Variants in ACSL4 observed in about 807,000 individuals in gnomAD.
ACSL4 encodes the protein acyl-CoA synthetase long chain family member 4.
ACSL4 carries 9 observed loss-of-function variants against 49.1 expected under a neutral mutation model. That is an observed-to-expected ratio of 0.18 (90% CI 0.11 to 0.32). The LOEUF is 0.32. Among genes scored for constraint, ACSL4 ranks in the 10% least tolerant of loss-of-function variants. The pLI, the probability that ACSL4 is intolerant of heterozygous loss-of-function variation, is 1.00. For missense variants in ACSL4, 333 were observed against 493.7 expected (o/e 0.67, Z 3.08); for synonymous variants, 191 against 170.3 (o/e 1.12, Z -0.95).
chrX:109,668,936 C>A, intron 10 of ACSL4, 98 bp downstream of exon 10: 1 of 738,054 alleles, frequency 1.4e-6, no homozygotes, highest in Non-Finnish European at 2.0e-6. Flanking sequence ...TGGTGATATT[C>A]AAATGAATTA....
intron 15 of ACSL4, among the ~76,000 whole-genome samples, chrX:109,646,314 G>A (rs1417758810): frequency 8.9e-6 from 1 of 112,148 alleles, no homozygotes; most frequent in Non-Finnish European, 1.9e-5. Flanking sequence ...CAGACTAACA[G>A]CGGATCTCTC....
At chrX:109,712,133 C>G (rs1207213316) in intron 1 of ACSL4, among the ~76,000 whole-genome samples, 2 of 111,594 alleles carry the variant, frequency 1.8e-5, no homozygotes, top group Non-Finnish European at 3.8e-5. Context: ...GGGTCCTGCT[C>G]TGTTGCCCAG....
chrX:109,727,965 C>T (rs1482465316), intron 1 of ACSL4, among the ~76,000 whole-genome samples: 1 of 112,162 alleles, frequency 8.9e-6, no homozygotes, highest in Non-Finnish European at 1.9e-5. Flanking sequence ...AATGTTTTAT[C>T]TTTTTCAAAT....
chrX:109,671,186 C>G (rs1463465382), intron 9 of ACSL4, among the ~76,000 whole-genome samples: 1 of 109,277 alleles, frequency 9.2e-6, no homozygotes, highest in Non-Finnish European at 1.9e-5. Context: ...TGAGGAGTGT[C>G]TCTGCCCAGC....
chrX:109,644,427 T>G (rs189451914), intron 15 of ACSL4, among the ~76,000 whole-genome samples: 102 of 111,121 alleles, frequency 9.2e-4, no homozygotes, highest in African/African-American at 3.0e-3. Context: ...AAAGTATACC[T>G]AAGTTGTTTC....
rs760948843 is a variant in ACSL4, at chrX:109,715,163, A to G, written c.-66+17976T>C. ...GTTTTCTAAAATAAACATGTATAATAATTTTGAATTCTGAAACCAAAGAAA... is the reference window on the plus strand; with the variant it reads ...GTTTTCTAAAATAAACATGTATAATGATTTTGAATTCTGAAACCAAAGAAA... On this transcript the variant is annotated intron_variant, in intron 1 of 15. Coordinates refer to ENST00000672401, the MANE Select transcript of ACSL4 (RefSeq NM_001318510.2). Among the ~76,000 whole-genome samples the G allele has an allele frequency of 1.7e-4, 19 of 112,290 alleles. No individual in the cohort carries two copies. The South Asian group carries it at 1.8e-3, about 11-fold the overall frequency.
chrX:109,724,279 TTTTG>T (rs1439877564), intron 1 of ACSL4, among the ~76,000 whole-genome samples: 2 of 110,937 alleles, frequency 1.8e-5, no homozygotes, highest in African/African-American at 3.3e-5. Context: ...TTTTTTGTTT[TTTTG>T]TTTGTTTCTG....
At position 109,709,779 on chromosome X, in the gene ACSL4, G is replaced by C. The variant is rs141061609; in HGVS notation, c.-65-13583C>G. Reference sequence around the variant, plus strand: ...GGTTGAGCCAGTACTTCGGAAGCTAGAGTCACAAACCTGATCCCCAGATAA... The same window carrying C: ...GGTTGAGCCAGTACTTCGGAAGCTACAGTCACAAACCTGATCCCCAGATAA... On this transcript the variant is annotated intron_variant, in intron 1 of 15. Coordinates refer to ENST00000672401, the MANE Select transcript of ACSL4 (RefSeq NM_001318510.2). Among the ~76,000 whole-genome samples, 99 of 112,670 alleles carry C rather than the reference G, an allele frequency of 8.8e-4. 1 individual carries two copies. In the East Asian group the frequency reaches 0.022, roughly 25 times the overall value.
intron 9 of ACSL4, among the ~76,000 whole-genome samples, chrX:109,671,336 G>T (rs914897446): frequency 7.2e-5 from 8 of 111,415 alleles, no homozygotes; most frequent in African/African-American, 2.3e-4. Flanking sequence ...GGGAGATGAG[G>T]AGCGTCTCTG....
intron 12 of ACSL4, among the ~76,000 whole-genome samples, chrX:109,665,072 T>C (rs1922523628): frequency 9.0e-6 from 1 of 111,467 alleles, no homozygotes; most frequent in Admixed American, 9.6e-5. Flanking sequence ...AACCCATCAT[T>C]CTATCCCCTA....
At position 109,733,235 on chromosome X, in the gene ACSL4, G is replaced by A. The variant is rs1407767880; in HGVS notation, c.-162C>T. On this transcript the variant is annotated 5_prime_UTR_variant, in exon 1 of 16. Transcript: ENST00000672401. ...GCGTGCCCGCTAGCGCTGGGACGAGGAGGAGCGCGCGGCGGAGGCCAGAGA... is the reference window on the plus strand; with the variant it reads ...GCGTGCCCGCTAGCGCTGGGACGAGAAGGAGCGCGCGGCGGAGGCCAGAGA... The A allele has an allele frequency of 3.1e-6, 1 of 321,714 alleles. No individual in the cohort carries two copies. 26.5% of individuals were successfully genotyped at this position (321,714 alleles called of 1,213,427 possible). A position where few individuals can be genotyped will look rare whatever the true frequency, so the allele number is the denominator to read the frequency against.
At chrX:109,701,840 G>A (rs1733279731) in intron 1 of ACSL4, among the ~76,000 whole-genome samples, 1 of 100,037 alleles carries the variant, frequency 1.0e-5, no homozygotes, top group East Asian at 3.2e-4. Flanking sequence ...CACTCCGCCT[G>A]GCTAACACAT....
At chrX:109,731,448 G>A (rs962950197) in intron 1 of ACSL4, among the ~76,000 whole-genome samples, 1 of 109,317 alleles carries the variant, frequency 9.1e-6, no homozygotes, top group African/African-American at 3.3e-5. Context: ...AGCCTCTCCA[G>A]AGTTCCAATT....
At chrX:109,728,949 G>A (rs1254809005) in intron 1 of ACSL4, among the ~76,000 whole-genome samples, 3 of 110,853 alleles carry the variant, frequency 2.7e-5, no homozygotes, top group Admixed American at 1.9e-4. Context: ...GGTGGCTCAC[G>A]CCTGTAATCC....
At chrX:109,677,949 CATCATACG>C (rs1324215840) in intron 8 of ACSL4, 31 bp downstream of exon 8, 1 of 1,205,229 alleles carries the variant, frequency 8.3e-7, no homozygotes, top group African/African-American at 1.8e-5. Context: ...AACCATGCAG[CATCATACG>C]ATCATGCCAA....
rs1802109 is a variant in ACSL4, at chrX:109,643,975, G to A, written c.*54C>T. On this transcript the variant is annotated 3_prime_UTR_variant, in exon 16 of 16. Coordinates refer to ENST00000672401, the MANE Select transcript of ACSL4 (RefSeq NM_001318510.2). ...TTCAACAAAGGCTTAAAATTCTAGA[G>A]GTTGAAAACCACCAGGCTACCTCCT... 0.014 allele frequency: 16,235 copies of A among 1,168,994 alleles called. 500 individuals are homozygous for A. Among genetic ancestry groups the A allele is most frequent in the African/African-American group, 0.14 (7,738 of 56,230 alleles).
chrX:109,674,415 A>G lies in ACSL4; in HGVS notation c.989T>C (p.Met330Thr), dbSNP rs1365047834. 1.7e-6 allele frequency: 2 copies of G among 1,204,482 alleles called. No individual in the cohort carries two copies. Among genetic ancestry groups the G allele is most frequent in the Non-Finnish European group, 2.2e-6 (2 of 889,881 alleles). ...GDCTVLKPTLMAAVPEIMDRI... is the reference protein window; with the variant it reads ...GDCTVLKPTLTAAVPEIMDRI... ...TTCTGTACTCACCGGAACAGCAGCCATAAGTGTGGGCTTCAGTACAGTACA... is the reference window on the plus strand; with the variant it reads ...TTCTGTACTCACCGGAACAGCAGCCGTAAGTGTGGGCTTCAGTACAGTACA... The change falls in exon 9 of 16, where the codon ATG becomes ACG. Residue 330 changes from methionine to threonine, a missense_variant. Around this residue, in one of 3 missense-constraint regions of ACSL4, gnomAD observed 175 missense variants for 275.8 expected, o/e 0.63. Transcript: ENST00000672401.
In ACSL4 at chrX:109,681,334, G is replaced by T; in HGVS notation, c.448C>A (p.His150Asn). The change falls in exon 5 of 16, where the codon CAT becomes AAT. Residue 150 changes from histidine to asparagine, a missense_variant. Around this residue, in one of 3 missense-constraint regions of ACSL4, gnomAD observed 157 missense variants for 201.1 expected, o/e 0.78. Coordinates refer to ENST00000672401, the MANE Select transcript of ACSL4 (RefSeq NM_001318510.2). ...YATLGKEAVV[H>N]GLNESEASYL... ...GAAGCCTCAGATTCATTTAGCCCATGAACTACTGCTTCTTTGCCAAGTGTG... is the reference window on the plus strand; with the variant it reads ...GAAGCCTCAGATTCATTTAGCCCATTAACTACTGCTTCTTTGCCAAGTGTG... 8.3e-7 allele frequency: 1 copy of T among 1,210,053 alleles called. No individual in the cohort carries two copies.
intron 1 of ACSL4, among the ~76,000 whole-genome samples, chrX:109,724,714 C>A (rs1378895208): frequency 4.6e-5 from 5 of 108,131 alleles, no homozygotes; most frequent in Non-Finnish European, 9.6e-5. Context: ...GAGTTTGAGA[C>A]CAGCCTGGCC....
Sources: gnomAD v4.1 joint callset for allele counts (sites outside exome capture counted in the v4.1 genomes callset) on GRCh38, gnomAD v4.1.1 for gene constraint, gnomAD v4.1.1 regional missense constraint, MANE v1.5 for transcripts, NCBI Gene and HGNC (gene_info 2026-07-23, HGNC 2026-07-21) for gene names.